The following NKAIN2 variants were observed in gnomAD, a reference collection of about 807,000 sequenced individuals.
NKAIN2 encodes the protein sodium/potassium transporting ATPase interacting 2, also known as sodium/potassium-transporting ATPase subunit beta-1-interacting protein 2.
NKAIN2 carries 14 observed loss-of-function variants against 32.6 expected under a neutral mutation model. That is an observed-to-expected ratio of 0.43 (90% CI 0.28 to 0.67). The LOEUF (loss-of-function observed/expected upper bound fraction) is 0.67, where lower values mean the gene tolerates loss of function less well. Among genes scored for constraint, NKAIN2 ranks in the 30% least tolerant of loss-of-function variants. The pLI, the probability that NKAIN2 is intolerant of heterozygous loss-of-function variation, is 0.17. For missense variants in NKAIN2, 198 were observed against 258.3 expected (o/e 0.77, Z 1.60); for synonymous variants, 80 against 87.2 (o/e 0.92, Z 0.46).
chr6:124,464,160 G>A (rs892811551), intron 3 of NKAIN2, among the ~76,000 whole-genome samples: 2 of 151,938 alleles, frequency 1.3e-5, no homozygotes, highest in Admixed American at 1.3e-4. Context: ...AATAATTTTT[G>A]CATTTTTAGT....
At chr6:124,764,609 C>G (rs1399332997) in intron 4 of NKAIN2, among the ~76,000 whole-genome samples, 1 of 152,130 alleles carries the variant, frequency 6.6e-6, no homozygotes, top group Non-Finnish European at 1.5e-5. Flanking sequence ...GGAGGGAGAA[C>G]TGCCTTCTGT....
At chr6:124,438,505 A>C (rs1775555662) in intron 3 of NKAIN2, among the ~76,000 whole-genome samples, 2 of 152,200 alleles carry the variant, frequency 1.3e-5, no homozygotes, top group Admixed American at 6.5e-5. Context: ...TGAGAGATAG[A>C]GATAGATACA....
chr6:124,140,745 T>A lies in NKAIN2; in HGVS notation c.55-142260T>A, dbSNP rs770781135. Among the ~76,000 whole-genome samples, 9 of 152,270 alleles carry A rather than the reference T, an allele frequency of 5.9e-5. No homozygotes were observed. The East Asian group carries it at 7.7e-4, about 13-fold the overall frequency. On this transcript the variant is annotated intron_variant, in intron 1 of 6. Transcript: ENST00000368417. The stretch of plus-strand genomic sequence containing the variant: ...TTACATATTATCCAAATAATACACA[T>A]TCATTGTAGAAAAAAATTTTAATTA...
chr6:124,239,580 G>T (rs1792962786), intron 1 of NKAIN2, among the ~76,000 whole-genome samples: 1 of 152,110 alleles, frequency 6.6e-6, no homozygotes, highest in South Asian at 2.1e-4. Context: ...TAGAACTCAG[G>T]ATTAAGAAAC....
intron 3 of NKAIN2, among the ~76,000 whole-genome samples, chr6:124,413,448 A>G (rs569041512): frequency 3.1e-4 from 47 of 152,252 alleles, no homozygotes; most frequent in Non-Finnish European, 5.7e-4. Flanking sequence ...ACCACGCTGT[A>G]TTGATTTCTG....
At chr6:124,027,453 C>G (rs1781164278) in intron 1 of NKAIN2, among the ~76,000 whole-genome samples, 1 of 152,138 alleles carries the variant, frequency 6.6e-6, no homozygotes, top group Admixed American at 6.6e-5. Context: ...CCAATTATCA[C>G]TCATATTTTG....
At chr6:124,002,221 A>T (rs1201488977) in intron 1 of NKAIN2, among the ~76,000 whole-genome samples, 1 of 152,144 alleles carries the variant, frequency 6.6e-6, no homozygotes, top group Non-Finnish European at 1.5e-5. Context: ...TGCTCCCGGT[A>T]TATCTAATGC....
chr6:124,457,465 A>G (rs1776366951), intron 3 of NKAIN2, among the ~76,000 whole-genome samples: 1 of 151,922 alleles, frequency 6.6e-6, no homozygotes, highest in African/African-American at 2.4e-5. Flanking sequence ...GTGTGATACA[A>G]TATTTTCTAA....
chr6:124,504,633 C>T (rs190499852), intron 3 of NKAIN2, among the ~76,000 whole-genome samples: 6 of 152,198 alleles, frequency 3.9e-5, no homozygotes, highest in East Asian at 1.9e-4. Flanking sequence ...AATGCCTCAT[C>T]GGATTAGAAT....
chr6:124,657,198 C>A (rs967768490), intron 3 of NKAIN2, among the ~76,000 whole-genome samples: 1 of 152,216 alleles, frequency 6.6e-6, no homozygotes, highest in Admixed American at 6.5e-5. Flanking sequence ...TCCATCAGAA[C>A]CTCACTTTGG....
intron 1 of NKAIN2, among the ~76,000 whole-genome samples, chr6:123,836,642 C>CAA (rs112403636): frequency 1.3e-4 from 19 of 146,726 alleles, no homozygotes; most frequent in Admixed American, 3.4e-4. Flanking sequence ...CATCCTGGAC[C>CAA]AAAAAAAAAA....
At chr6:124,041,037 G>T (rs1169256318) in intron 1 of NKAIN2, among the ~76,000 whole-genome samples, 2 of 151,870 alleles carry the variant, frequency 1.3e-5, no homozygotes, top group Non-Finnish European at 2.9e-5. Flanking sequence ...TTATTTATTT[G>T]TATAGTTCAG....
At chr6:124,580,750 G>A (rs546792973) in intron 3 of NKAIN2, among the ~76,000 whole-genome samples, 64 of 152,268 alleles carry the variant, frequency 4.2e-4, no homozygotes, top group African/African-American at 1.5e-3. Flanking sequence ...GCAGTGGTTT[G>A]TTGCCTATAG....
chr6:124,411,942 C>T (rs62436310), intron 3 of NKAIN2, among the ~76,000 whole-genome samples: 4 of 152,078 alleles, frequency 2.6e-5, no homozygotes, highest in East Asian at 1.9e-4. Context: ...TGTCTTCCAT[C>T]GCTGATACCC....
At chr6:124,712,600 CTTTCT>C (rs890142234) in intron 4 of NKAIN2, among the ~76,000 whole-genome samples, 1 of 147,390 alleles carries the variant, frequency 6.8e-6, no homozygotes, top group Non-Finnish European at 1.5e-5. Context: ...TCCGTCACCC[CTTTCT>C]TTGAGTCGGA....
intron 1 of NKAIN2, among the ~76,000 whole-genome samples, chr6:123,925,348 A>G (rs1280949461): frequency 6.6e-6 from 1 of 152,214 alleles, no homozygotes; most frequent in Non-Finnish European, 1.5e-5. Flanking sequence ...GGATCTGGAA[A>G]CACTAGCAGT....
chr6:124,484,705 G>A (rs1359061235), intron 3 of NKAIN2, among the ~76,000 whole-genome samples: 1 of 152,102 alleles, frequency 6.6e-6, no homozygotes, highest in African/African-American at 2.4e-5. Context: ...GTGTATAAAA[G>A]CCCTCCAGGA....
rs549309012 is a variant in NKAIN2, at chr6:124,228,155, G to A, written c.55-54850G>A. 5.4e-4 allele frequency among the ~76,000 whole-genome samples: 82 copies of A among 152,202 alleles called. No homozygotes were observed. In the South Asian group the frequency reaches 0.017, roughly 31 times the overall value. On this transcript the variant is annotated intron_variant, in intron 1 of 6. Transcript: ENST00000368417. ...GCCTGTTATGGACTGAATGTTTTTG[G>A]TTCCCCCAAATTCATAAGTTGAAAC... is the stretch of plus-strand genomic sequence containing the variant.
At chr6:124,027,229 TC>T (rs1781152885) in intron 1 of NKAIN2, among the ~76,000 whole-genome samples, 1 of 149,676 alleles carries the variant, frequency 6.7e-6, no homozygotes, top group Non-Finnish European at 1.5e-5. Flanking sequence ...AACCTCCGCC[TC>T]CCGGGTTCAA....
Sources: allele counts gnomAD v4.1 joint callset (sites outside exome capture counted in the v4.1 genomes callset), GRCh38; gene constraint gnomAD v4.1.1; transcripts MANE v1.5; gene names NCBI Gene and HGNC (gene_info 2026-07-23, HGNC 2026-07-21).